The following RAB11FIP2 variants were observed in gnomAD, a reference collection of about 807,000 sequenced individuals.
RAB11FIP2 encodes the protein rab11 family-interacting protein 2.
Under a neutral mutation model 40.9 loss-of-function variants are expected in RAB11FIP2, and 16 were observed. The ratio of observed to expected loss-of-function variants is 0.39; its 90% CI spans 0.26 to 0.59. The LOEUF is 0.59. RAB11FIP2 is among the 20% of genes least tolerant of loss of function. RAB11FIP2 has a pLI of 0.53. For missense variants in RAB11FIP2, 532 were observed against 606.2 expected, an observed-to-expected ratio of 0.88 and a Z score of 1.28; for synonymous variants, 228 against 213.7, an observed-to-expected ratio of 1.07 and a Z score of -0.58.
intron 4 of RAB11FIP2, among the ~76,000 whole-genome samples, chr10:118,014,649 T>C (rs1486607726): frequency 6.6e-6 from 1 of 152,170 alleles, no homozygotes; most frequent in Non-Finnish European, 1.5e-5. Context: ...CCAGGATGCT[T>C]TTCTATTGTT....
intron 1 of RAB11FIP2, among the ~76,000 whole-genome samples, chr10:118,041,130 C>G (rs1194063320): frequency 6.6e-6 from 1 of 151,826 alleles, no homozygotes; most frequent in Non-Finnish European, 1.5e-5. Flanking sequence ...ATCATTAAAA[C>G]AGCATATGAT....
intron 3 of RAB11FIP2, among the ~76,000 whole-genome samples, chr10:118,021,441 C>T (rs991446041): frequency 6.6e-6 from 1 of 152,318 alleles, no homozygotes; most frequent in Admixed American, 6.5e-5. Flanking sequence ...CCTGCTGGTG[C>T]ACTCCCACTA....
intron 4 of RAB11FIP2, among the ~76,000 whole-genome samples, chr10:118,013,165 G>A (rs536827916): frequency 9.2e-5 from 14 of 152,026 alleles, no homozygotes; most frequent in African/African-American, 3.4e-4. Flanking sequence ...AGGTTGTCCT[G>A]GTAACCAAAT....
At position 118,046,445 on chromosome 10, in the gene RAB11FIP2, T is replaced by C; in HGVS notation, c.-282A>G. ...GCGGACCCCCGCCCCTGTCTCCACC[T>C]TCCCCAGGCCTGCGGGGCACGTGAG... On this transcript the variant is annotated 5_prime_UTR_variant, in exon 1 of 5. Transcript: ENST00000355624. The C allele has an allele frequency of 4.1e-6, 1 of 242,242 alleles. No individual in the cohort carries two copies. Among genetic ancestry groups the C allele is most frequent in the Non-Finnish European group, 6.7e-6 (1 of 148,386 alleles). 15.0% of individuals were successfully genotyped at this position (242,242 alleles called of 1,614,324 possible).
At chr10:118,038,197 T>C (rs1405841248) in intron 3 of RAB11FIP2, among the ~76,000 whole-genome samples, 1 of 151,642 alleles carries the variant, frequency 6.6e-6, no homozygotes, top group East Asian at 1.9e-4. Context: ...GTAAAATCCA[T>C]AACCATATTT....
chr10:118,010,836 C>A (rs987260860), intron 4 of RAB11FIP2, among the ~76,000 whole-genome samples: 1 of 151,926 alleles, frequency 6.6e-6, no homozygotes, highest in African/African-American at 2.4e-5. Context: ...AGGCTCAAGG[C>A]ATAGTGGCCA....
chr10:118,045,626 C>A lies in RAB11FIP2; in HGVS notation c.353+185G>T, dbSNP rs146866590. 163 of 555,698 alleles carry A rather than the reference C, an allele frequency of 2.9e-4. 1 individual carries two copies. The highest frequency in any genetic ancestry group is 2.9e-3 in the African/African-American group (151 of 52,866). 34.4% of individuals were successfully genotyped at this position (555,698 alleles called of 1,614,324 possible). On this transcript the variant is annotated intron_variant, in intron 1 of 4. Coordinates refer to ENST00000355624, the MANE Select transcript of RAB11FIP2 (RefSeq NM_014904.3). ...AAGAATAAGGGATCATTAATGATTC[C>A]ATTTAAAAAATATTTCATCACGAGT...
intron 3 of RAB11FIP2, among the ~76,000 whole-genome samples, chr10:118,028,823 A>G (rs10886195): frequency 0.46 from 69,775 of 151,882 alleles, 18,749 homozygotes; most frequent in Non-Finnish European, 0.6. Context: ...CTAAGGTGAA[A>G]GAAACACTTT....
In RAB11FIP2 at chr10:118,043,881, A is replaced by C. The variant is rs560777421; in HGVS notation, c.353+1930T>G. Among the ~76,000 whole-genome samples, 4 of 152,336 alleles carry C rather than the reference A, an allele frequency of 2.6e-5. No individual in the cohort carries two copies. The South Asian group carries it at 8.3e-4, about 32-fold the overall frequency. On this transcript the variant is annotated intron_variant, in intron 1 of 4. Coordinates refer to ENST00000355624, the MANE Select transcript of RAB11FIP2 (RefSeq NM_014904.3). ...GCTGTGCTAGAAAAGGAAGCTATTA[A>C]ATATATTAAAAAACTAGAAATATTA...
intron 3 of RAB11FIP2, among the ~76,000 whole-genome samples, chr10:118,021,169 T>C (rs2133168182): frequency 6.6e-6 from 1 of 152,324 alleles, no homozygotes; most frequent in South Asian, 2.1e-4. Context: ...AAAATTATTT[T>C]CCATTTAGGA....
intron 4 of RAB11FIP2, among the ~76,000 whole-genome samples, chr10:118,011,157 G>C (rs1846149928): frequency 6.6e-6 from 1 of 152,080 alleles, no homozygotes; most frequent in African/African-American, 2.4e-5. Flanking sequence ...AATGAATAGA[G>C]AGGATATTAA....
chr10:118,033,062 G>A (rs1354654686), intron 3 of RAB11FIP2, among the ~76,000 whole-genome samples: 1 of 151,824 alleles, frequency 6.6e-6, no homozygotes, highest in East Asian at 1.9e-4. Context: ...CTTTATCATA[G>A]GTATATATGT....
chr10:118,044,155 AG>A (rs1293226600), intron 1 of RAB11FIP2, among the ~76,000 whole-genome samples: 9 of 152,232 alleles, frequency 5.9e-5, no homozygotes, highest in Admixed American at 4.6e-4. Flanking sequence ...GATGTTGCCC[AG>A]GACTAGGAGT....
rs1345854472 is a variant in RAB11FIP2, at chr10:118,028,184, G to A, written c.1265+10788C>T. ...CAATTTGAATTAAGGTATACTCTAA[G>A]AAGGCCAAGCTGATTCAACTAATTG... On this transcript the variant is annotated intron_variant, in intron 3 of 4. Transcript: ENST00000355624. Among the ~76,000 whole-genome samples, 7 of 152,070 alleles carry A rather than the reference G, an allele frequency of 4.6e-5. 1 individual carries two copies. Among genetic ancestry groups the A allele is most frequent in the Admixed American group, 4.6e-4 (7 of 15,264 alleles).
intron 3 of RAB11FIP2, among the ~76,000 whole-genome samples, chr10:118,032,854 G>A (rs1344630495): frequency 6.6e-6 from 1 of 152,038 alleles, no homozygotes; most frequent in Non-Finnish European, 1.5e-5. Flanking sequence ...TGTCTACACT[G>A]CCTGCCCATT....
intron 4 of RAB11FIP2, among the ~76,000 whole-genome samples, chr10:118,012,288 C>T (rs1023887714): frequency 1.3e-5 from 2 of 151,716 alleles, no homozygotes; most frequent in Non-Finnish European, 2.9e-5. Flanking sequence ...ACATTTCTGG[C>T]CTTTTCAATA....
chr10:118,034,010 A>C, intron 3 of RAB11FIP2: 2 of 702,156 alleles, frequency 2.8e-6, no homozygotes, highest in Non-Finnish European at 5.2e-6. Context: ...GATCCTCTCC[A>C]TTCAGCTACT....
At chr10:118,039,555 T>G (rs1201386231) in intron 2 of RAB11FIP2, 115 bp from the exon 3 acceptor site, 5 of 864,404 alleles carry the variant, frequency 5.8e-6, no homozygotes, top group Non-Finnish European at 8.8e-6. Flanking sequence ...CACTTAAATG[T>G]ATTAACCTTC....
Position 118,008,918 on chromosome 10 carries a change from T to C in RAB11FIP2, c.*80A>G, listed in dbSNP as rs1214667751. ...TAATGAAACCTGATAGTGTAGTCTCTTTCAGTAACAAGTTTTTCCTTCCTT... is the reference window on the plus strand; with the variant it reads ...TAATGAAACCTGATAGTGTAGTCTCCTTCAGTAACAAGTTTTTCCTTCCTT... On this transcript the variant is annotated 3_prime_UTR_variant, in exon 5 of 5. Transcript: ENST00000355624. 6 of 1,162,478 alleles carry C rather than the reference T, an allele frequency of 5.2e-6. No individual in the cohort carries two copies. The highest frequency in any genetic ancestry group is 1.9e-5 in the Admixed American group (1 of 51,682). 72.0% of individuals were successfully genotyped at this position (1,162,478 alleles called of 1,614,324 possible). A position where few individuals can be genotyped will look rare whatever the true frequency, so the allele number is the denominator to read the frequency against.
Sources: allele counts gnomAD v4.1 joint callset (sites outside exome capture counted in the v4.1 genomes callset), GRCh38; gene constraint gnomAD v4.1.1; transcripts MANE v1.5; gene names NCBI Gene and HGNC (gene_info 2026-07-23, HGNC 2026-07-21).